RGS6: variants seen among roughly 807,000 people sequenced by gnomAD.
The protein encoded by RGS6 is regulator of G protein signaling 6.
RGS6 carries 30 observed loss-of-function variants against 78.5 expected under a neutral mutation model. The ratio of observed to expected loss-of-function variants is 0.38; its 90% CI spans 0.29 to 0.52. RGS6 has a LOEUF of 0.52. Ranked by LOEUF, RGS6 falls within the 20% of genes least tolerant of loss-of-function variation. The pLI, the probability that RGS6 is intolerant of heterozygous loss-of-function variation, is 0.85. For synonymous variants in RGS6, 206 were observed against 206.0 expected, an observed-to-expected ratio of 1.00 and a Z score of 0.00; for missense variants, 495 against 609.7, an observed-to-expected ratio of 0.81 and a Z score of 1.98.
chr14:71,952,123 C>T (rs924675189), intron 1 of RGS6, among the ~76,000 whole-genome samples: 3 of 151,720 alleles, frequency 2.0e-5, no homozygotes, highest in African/African-American at 7.3e-5. Flanking sequence ...TTTTTCTTGC[C>T]TGTTGTATAG....
chr14:72,464,259 A>T (rs2095848017), intron 6 of RGS6, among the ~76,000 whole-genome samples: 2 of 152,188 alleles, frequency 1.3e-5, no homozygotes, highest in South Asian at 4.1e-4. Context: ...AAACCATTCA[A>T]CTGAGTTTTC....
intron 2 of RGS6, among the ~76,000 whole-genome samples, chr14:72,198,694 T>TA (rs961235100): frequency 4.1e-4 from 63 of 152,374 alleles, no homozygotes; most frequent in African/African-American, 1.3e-3. Context: ...TCAGAGAAGA[T>TA]ACGTGGACTT....
chr14:72,620,142 G>A, the RGS6 span, among the ~76,000 whole-genome samples: 1 of 152,108 alleles, frequency 6.6e-6, no homozygotes, highest in Admixed American at 6.6e-5. Flanking sequence ...GAACACGCCT[G>A]TGCTTTTCCC....
At chr14:72,314,829 A>G (rs543443185) in intron 2 of RGS6, among the ~76,000 whole-genome samples, 16 of 152,358 alleles carry the variant, frequency 1.1e-4, no homozygotes, top group Non-Finnish European at 2.1e-4. Context: ...AGAACTTTCT[A>G]CAAGTTATGT....
intron 3 of RGS6, among the ~76,000 whole-genome samples, chr14:72,429,549 A>T (rs78369475): frequency 0.092 from 14,004 of 152,178 alleles, 1,153 homozygotes; most frequent in Admixed American, 0.22. Context: ...GAGACTGGGC[A>T]TAGGGGGAAT....
At chr14:72,407,326 C>T (rs939030571) in intron 3 of RGS6, among the ~76,000 whole-genome samples, 10 of 152,168 alleles carry the variant, frequency 6.6e-5, no homozygotes, top group African/African-American at 2.2e-4. Flanking sequence ...TTTGGAGAAC[C>T]GTCTTGGAGT....
Position 71,999,423 on chromosome 14 carries a change from C to A in RGS6, c.84+34548C>A, listed in dbSNP as rs1276237757. On this transcript the variant is annotated intron_variant, in intron 2 of 17. Transcript: ENST00000553525. ...ACAAGGCATTTTTGACAGGAGAAATCAGAAGTATGATGGTGAAAGTAGTTT... is the reference window on the plus strand; with the variant it reads ...ACAAGGCATTTTTGACAGGAGAAATAAGAAGTATGATGGTGAAAGTAGTTT... Among the ~76,000 whole-genome samples the A allele has an allele frequency of 4.6e-5, 7 of 152,208 alleles. No individual in the cohort carries two copies. The East Asian group carries it at 1.3e-3, about 29-fold the overall frequency.
At chr14:72,481,830 A>G (rs1266521123) in intron 12 of RGS6, among the ~76,000 whole-genome samples, 2 of 122,560 alleles carry the variant, frequency 1.6e-5, no homozygotes, top group African/African-American at 3.2e-5. Context: ...TTTTTTTGAG[A>G]CGGAGTCTTG....
chr14:72,023,977 A>G (rs576106956), intron 2 of RGS6, among the ~76,000 whole-genome samples: 1 of 152,354 alleles, frequency 6.6e-6, no homozygotes, highest in South Asian at 2.1e-4. Context: ...GTATACCTCC[A>G]GCACTCAGAA....
At chr14:72,518,268 G>A in intron 14 of RGS6, 83 bp from the exon 15 acceptor site, 3 of 1,336,068 alleles carry the variant, frequency 2.2e-6, no homozygotes, top group Non-Finnish European at 3.1e-6. Flanking sequence ...TGGGTTTCAT[G>A]GGACATCAGC....
upstream of RGS6, among the ~76,000 whole-genome samples, chr14:71,928,181 T>G (rs978289667): frequency 6.6e-6 from 1 of 152,156 alleles, no homozygotes; most frequent in Non-Finnish European, 1.5e-5. Context: ...TATTGCTAAG[T>G]TTTAATAAGT....
At chr14:72,001,893 A>ATTTTTTTTTTTTTTT in intron 2 of RGS6, among the ~76,000 whole-genome samples, 1 of 100,454 alleles carries the variant, frequency 1.0e-5, no homozygotes, top group African/African-American at 4.1e-5. Flanking sequence ...ACATCCATTA[A>ATTTTTTTTTTTTTTT]TCTTTTTTTT....
chr14:72,371,931 C>T (rs1052567525), intron 3 of RGS6, among the ~76,000 whole-genome samples: 2 of 152,184 alleles, frequency 1.3e-5, no homozygotes, highest in Admixed American at 1.3e-4. Context: ...CTATGGATTT[C>T]ACTGTATCAT....
chr14:72,619,857 TAGTAG>T, the RGS6 span: 1 of 1,480,420 alleles, frequency 6.8e-7, no homozygotes, highest in Non-Finnish European at 9.0e-7. Flanking sequence ...GTGCTAGTAG[TAGTAG>T]TATCTGTTGC....
chr14:72,244,927 T>C (rs1594744923), intron 2 of RGS6, among the ~76,000 whole-genome samples: 2 of 151,724 alleles, frequency 1.3e-5, no homozygotes, highest in South Asian at 4.2e-4. Context: ...TGGGTTCGAG[T>C]GATTCTCCTG....
At chr14:72,499,845 C>T (rs1467984903) in intron 13 of RGS6, among the ~76,000 whole-genome samples, 1 of 152,134 alleles carries the variant, frequency 6.6e-6, no homozygotes, top group African/African-American at 2.4e-5. Context: ...AGAGTGGCCA[C>T]CTCATCCCTC....
chr14:72,388,101 G>T (rs935572810), intron 3 of RGS6, among the ~76,000 whole-genome samples: 5 of 152,108 alleles, frequency 3.3e-5, no homozygotes, highest in Admixed American at 2.6e-4. Context: ...ATGAATTTTT[G>T]GGGGGACACA....
At chr14:72,437,093 G>T (rs2094950454) in intron 3 of RGS6, among the ~76,000 whole-genome samples, 1 of 151,254 alleles carries the variant, frequency 6.6e-6, no homozygotes, top group African/African-American at 2.4e-5. Flanking sequence ...GGCCAAGGTG[G>T]GGGGAATCAC....
intron 2 of RGS6, among the ~76,000 whole-genome samples, chr14:72,286,162 TTAACTTAC>T (rs1247097948): frequency 6.6e-6 from 1 of 152,248 alleles, no homozygotes; most frequent in African/African-American, 2.4e-5. Context: ...ATTTAAGTCT[TTAACTTAC>T]TTTGAGTTGA....
Sources: gnomAD v4.1 joint callset for allele counts (sites outside exome capture counted in the v4.1 genomes callset) on GRCh38, gnomAD v4.1.1 for gene constraint, MANE v1.5 for transcripts, NCBI Gene and HGNC (gene_info 2026-07-23, HGNC 2026-07-21) for gene names.